Variants in BPI observed in about 807,000 individuals in gnomAD.
BPI encodes the protein bactericidal permeability-increasing protein.
Under a neutral mutation model 57.6 loss-of-function variants are expected in BPI, and 48 were observed. The observed-to-expected ratio is 0.83, with a 90% confidence interval of 0.66 to 1.06. The LOEUF (loss-of-function observed/expected upper bound fraction) is 1.06, where lower values mean the gene tolerates loss of function less well. Among genes scored for constraint, BPI ranks in the 50% least tolerant of loss-of-function variants. The pLI, the probability that BPI is intolerant of heterozygous loss-of-function variation, is 0.00. For missense variants in BPI, 651 were observed against 609.7 expected (o/e 1.07, Z -0.71); for synonymous variants, 237 against 238.2 (o/e 0.99, Z 0.05).
chr20:38,322,336 C>T (rs1180671990), intron 7 of BPI, among the ~76,000 whole-genome samples: 2 of 152,202 alleles, frequency 1.3e-5, no homozygotes, highest in Non-Finnish European at 2.9e-5. Context: ...CTAAGTGATA[C>T]AACAGACCAA....
chr20:38,327,839 T>A (rs547119820), intron 11 of BPI, among the ~76,000 whole-genome samples, 184 bp downstream of exon 11: 4 of 152,168 alleles, frequency 2.6e-5, no homozygotes, highest in Non-Finnish European at 5.9e-5. Context: ...AAACTCATGC[T>A]CAGAGAAAAA....
At chr20:38,335,720 C>A (rs2076764337) in intron 14 of BPI, 46 bp downstream of exon 14, 3 of 1,568,798 alleles carry the variant, frequency 1.9e-6, no homozygotes, top group Non-Finnish European at 2.6e-6. Flanking sequence ...ACGATAGTGA[C>A]CAACAGCAGC....
chr20:38,318,050 C>T (rs2076661231), intron 5 of BPI: 1 of 984,410 alleles, frequency 1.0e-6, no homozygotes. Context: ...TGTTTATTAC[C>T]TCATTCCACA....
intron 7 of BPI, 88 bp from the exon 8 acceptor site, chr20:38,323,782 T>C: frequency 1.4e-6 from 2 of 1,412,256 alleles, no homozygotes; most frequent in Non-Finnish European, 1.9e-6. Flanking sequence ...GTACAATTGG[T>C]GTCTTCAGTC....
At chr20:38,335,436 C>G (rs2076762725) in intron 13 of BPI, 162 bp from the exon 14 acceptor site, 2 of 657,602 alleles carry the variant, frequency 3.0e-6, no homozygotes, top group African/African-American at 1.8e-5. Flanking sequence ...GGTACGGACT[C>G]TGGGGCAGCC....
intron 2 of BPI, 121 bp downstream of exon 2, chr20:38,307,802 C>A: frequency 2.6e-5 from 21 of 816,438 alleles, no homozygotes; most frequent in East Asian, 6.3e-5. Context: ...CCAAAGCCTG[C>A]ATTTACATCA....
At position 38,324,043 on chromosome 20, in the gene BPI, C is replaced by T; in HGVS notation, c.930C>T (p.Asp310=). ...TCTTGAAGATGACCCTTAGAGATGA[C>T]ATGGTAAGGCCGGGCTCTGGGTGGG... ...AGVLKMTLRD[D]MIPKESKFRL... Residue 310 remains aspartate (D), a synonymous_variant, in exon 8 of 15, where the codon GAC becomes GAT. Coordinates refer to ENST00000642449, the MANE Select transcript of BPI (RefSeq NM_001725.3). 2 of 1,613,562 alleles carry T rather than the reference C, an allele frequency of 1.2e-6. No homozygotes were observed. Among genetic ancestry groups the T allele is most frequent in the South Asian group, 1.1e-5 (1 of 91,036 alleles).
At chr20:38,317,600 A>T (rs756205688) in intron 5 of BPI, 2 of 713,850 alleles carry the variant, frequency 2.8e-6, no homozygotes, top group Non-Finnish European at 5.2e-6. Flanking sequence ...AAGTTACACA[A>T]AGGTCAGGTG....
intron 12 of BPI, among the ~76,000 whole-genome samples, chr20:38,331,767 C>G (rs7267046): frequency 6.6e-6 from 1 of 150,932 alleles, no homozygotes; most frequent in Non-Finnish European, 1.5e-5. Flanking sequence ...GGCTTCAGCC[C>G]GGGAGTTCCA....
At chr20:38,328,805 G>A (rs953365687) in intron 11 of BPI, among the ~76,000 whole-genome samples, 1 of 151,310 alleles carries the variant, frequency 6.6e-6, no homozygotes, top group South Asian at 2.1e-4. Flanking sequence ...AAGACTAGCT[G>A]GGGCAACATA....
rs2076720216 is a variant in BPI at position 38,327,628 on chromosome 20, G to A, written c.1202G>A (p.Arg401Lys). 1.9e-6 allele frequency: 3 copies of A among 1,613,764 alleles called. No homozygotes were observed. The highest frequency in any genetic ancestry group is 2.2e-5 in the South Asian group (2 of 91,080). Residue 401 changes from arginine to lysine, a missense_variant, in exon 11 of 15, where the codon AGG becomes AAG. Coordinates refer to ENST00000642449, the MANE Select transcript of BPI (RefSeq NM_001725.3). ...GSMEVSAESN[R>K]LVGELKLDRL... ...ATGGAGGTCAGCGCCGAGTCCAACA[G>A]GCTTGTTGGAGAGCTCAAGCTGGAT...
intron 9 of BPI, 34 bp downstream of exon 9, chr20:38,324,867 CG>C: frequency 6.4e-7 from 1 of 1,560,772 alleles, no homozygotes; most frequent in Non-Finnish European, 8.8e-7. Context: ...TAGTGAGCCC[CG>C]GGGGTTCTGG....
At chr20:38,331,136 G>A (rs751259590) in intron 12 of BPI, 46 bp downstream of exon 12, 21 of 1,585,672 alleles carry the variant, frequency 1.3e-5, no homozygotes, top group Admixed American at 5.0e-5. Context: ...CTGACCTGGC[G>A]GCGGGGAGGG....
At chr20:38,319,226 C>T (rs1006874399) in intron 6 of BPI, among the ~76,000 whole-genome samples, 1 of 152,176 alleles carries the variant, frequency 6.6e-6, no homozygotes, top group African/African-American at 2.4e-5. Context: ...CAGAGCAAGA[C>T]TCTGTCTCAA....
At chr20:38,327,560 A>G in intron 10 of BPI, 28 bp from the exon 11 acceptor site, 2 of 1,611,456 alleles carry the variant, frequency 1.2e-6, no homozygotes, top group South Asian at 2.2e-5. Context: ...GGGTCAGGGC[A>G]CTTCACCCTG....
At chr20:38,306,071 G>A (rs1335625074) in intron 1 of BPI, among the ~76,000 whole-genome samples, 3 of 152,074 alleles carry the variant, frequency 2.0e-5, no homozygotes, top group East Asian at 1.9e-4. Context: ...TCGCTCTGTG[G>A]CCCAGGCTGG....
intron 5 of BPI, 33 bp from the exon 6 acceptor site, chr20:38,318,380 G>C (rs367567438): frequency 8.4e-5 from 134 of 1,588,556 alleles, no homozygotes; most frequent in Admixed American, 6.0e-4. Context: ...ACTATGGGAA[G>C]ACCTTACTGA....
At chr20:38,330,963 A>T in intron 11 of BPI, 85 bp from the exon 12 acceptor site, 1 of 1,498,556 alleles carries the variant, frequency 6.7e-7, no homozygotes, top group Non-Finnish European at 9.3e-7. Flanking sequence ...AGTATCCACC[A>T]GAGTGGGTCT....
intron 7 of BPI, 137 bp downstream of exon 7, chr20:38,320,411 C>A: frequency 1.3e-6 from 1 of 763,588 alleles, no homozygotes; most frequent in South Asian, 1.8e-5. Context: ...ACTCTCCCCG[C>A]CTCTCCCTGC....
Sources: allele counts gnomAD v4.1 joint callset (sites outside exome capture counted in the v4.1 genomes callset), GRCh38; gene constraint gnomAD v4.1.1; transcripts MANE v1.5; gene names NCBI Gene and HGNC (gene_info 2026-07-23, HGNC 2026-07-21).